The following SUGCT variants were observed in gnomAD, a reference collection of about 807,000 sequenced individuals.
The protein encoded by SUGCT is succinyl-CoA:glutarate-CoA transferase, also known as succinyl-CoA:glutarate CoA-transferase.
In SUGCT, 41 loss-of-function variants were observed where a neutral mutation model predicts 55.0. That is an observed-to-expected ratio of 0.74 (90% CI 0.58 to 0.97). The LOEUF (loss-of-function observed/expected upper bound fraction) is 0.97, where lower values mean the gene tolerates loss of function less well. Ranked by LOEUF, SUGCT falls within the 50% of genes least tolerant of loss-of-function variation. The pLI, the probability that SUGCT is intolerant of heterozygous loss-of-function variation, is 0.00. For synonymous variants in SUGCT, 187 were observed against 200.4 expected (o/e 0.93, Z 0.56); for missense variants, 568 against 547.8 (o/e 1.04, Z -0.37).
At chr7:40,880,873 TG>T in the SUGCT span, among the ~76,000 whole-genome samples, 2 of 152,152 alleles carry the variant, frequency 1.3e-5, no homozygotes, top group South Asian at 2.1e-4. Context: ...GATTGGATAT[TG>T]ATGGAACCAG....
intron 12 of SUGCT, among the ~76,000 whole-genome samples, chr7:40,615,621 G>A (rs1287554713): frequency 1.3e-5 from 2 of 152,186 alleles, no homozygotes; most frequent in African/African-American, 4.8e-5. Context: ...CTGTTCAGTG[G>A]AGAAGTTGGG....
chr7:40,703,253 G>A (rs1785246460), intron 12 of SUGCT, among the ~76,000 whole-genome samples: 1 of 152,022 alleles, frequency 6.6e-6, no homozygotes, highest in Non-Finnish European at 1.5e-5. Flanking sequence ...TAGTAAAGAT[G>A]GGGTTTCTCC....
chr7:40,801,645 A>G (rs915172945), intron 13 of SUGCT, among the ~76,000 whole-genome samples: 1 of 152,168 alleles, frequency 6.6e-6, no homozygotes, highest in Non-Finnish European at 1.5e-5. Context: ...TTCTTCTGGG[A>G]GGTACAGCAG....
At chr7:40,898,410 CATCT>C in the SUGCT span, among the ~76,000 whole-genome samples, 104 of 139,762 alleles carry the variant, frequency 7.4e-4, no homozygotes, top group Non-Finnish European at 1.5e-3. Context: ...CCGGACACAT[CATCT>C]TTAAGAACTG....
At chr7:40,439,061 G>GGTATATATATATGTGTGT (rs5883731) in intron 9 of SUGCT, among the ~76,000 whole-genome samples, 14 of 51,870 alleles carry the variant, frequency 2.7e-4, no homozygotes, top group African/African-American at 1.1e-3. Context: ...GTATATATAT[G>GGTATATATATATGTGTGT]GTGTATATAT....
At chr7:41,017,611 A>G in the SUGCT span, among the ~76,000 whole-genome samples, 11 of 152,042 alleles carry the variant, frequency 7.2e-5, 1 homozygote, top group African/African-American at 2.4e-4. Context: ...TCTACTGAAA[A>G]TACAAAAAAC....
the SUGCT span, among the ~76,000 whole-genome samples, chr7:40,961,479 G>A: frequency 6.6e-6 from 1 of 152,196 alleles, no homozygotes; most frequent in Non-Finnish European, 1.5e-5. Context: ...GTTTTGCTAG[G>A]ATGGACTTCA....
At chr7:40,210,593 A>T (rs944592881) in intron 6 of SUGCT, among the ~76,000 whole-genome samples, 1 of 152,070 alleles carries the variant, frequency 6.6e-6, no homozygotes, top group African/African-American at 2.4e-5. Context: ...AAGGCAAGTT[A>T]TTTATATATA....
intron 13 of SUGCT, among the ~76,000 whole-genome samples, chr7:40,835,292 A>G (rs978026258): frequency 3.3e-5 from 5 of 152,248 alleles, no homozygotes; most frequent in African/African-American, 9.6e-5. Context: ...CTGAAAACAT[A>G]AAAGCATAAG....
At position 40,669,742 on chromosome 7, in the gene SUGCT, AC is replaced by A. The variant is rs373710020; in HGVS notation, c.1090-79689del. 1.1e-4 allele frequency among the ~76,000 whole-genome samples: 17 copies of A among 151,976 alleles called. 1 individual carries two copies. The East Asian group carries it at 3.1e-3, about 28-fold the overall frequency. On this transcript the variant is annotated intron_variant, in intron 12 of 13. Coordinates refer to ENST00000335693, the MANE Select transcript of SUGCT (RefSeq NM_001193313.2). ...ACTTGAAGATAGAACAAAATAAATC[AC>A]CCTTAATGGACGACAGATAGAAAAT...
intron 12 of SUGCT, among the ~76,000 whole-genome samples, chr7:40,697,753 C>A (rs987564081): frequency 5.9e-5 from 9 of 152,296 alleles, no homozygotes; most frequent in African/African-American, 2.2e-4. Flanking sequence ...TACTGGAGAA[C>A]AGGGACATCT....
intron 9 of SUGCT, among the ~76,000 whole-genome samples, chr7:40,392,328 A>T (rs1785482167): frequency 6.6e-6 from 1 of 152,178 alleles, no homozygotes. Flanking sequence ...TACAAATTAG[A>T]TATAGAGATG....
chr7:40,795,871 A>C (rs936299691), intron 13 of SUGCT, among the ~76,000 whole-genome samples: 1 of 152,202 alleles, frequency 6.6e-6, no homozygotes, highest in Admixed American at 6.5e-5. Context: ...AAACATTATG[A>C]AGTGAAATGG....
intron 13 of SUGCT, among the ~76,000 whole-genome samples, chr7:40,825,002 G>A (rs1792243731): frequency 6.6e-6 from 1 of 152,202 alleles, no homozygotes; most frequent in Admixed American, 6.5e-5. Flanking sequence ...GCTTCATGCA[G>A]TCTTTCAGGA....
At chr7:40,998,722 G>T in the SUGCT span, among the ~76,000 whole-genome samples, 2 of 152,148 alleles carry the variant, frequency 1.3e-5, no homozygotes, top group African/African-American at 4.8e-5. Context: ...CCAGAATTAG[G>T]AAAGGTTGCT....
chr7:40,996,765 T>C, the SUGCT span, among the ~76,000 whole-genome samples: 1 of 152,214 alleles, frequency 6.6e-6, no homozygotes, highest in African/African-American at 2.4e-5. Context: ...TAAAGTGCAT[T>C]ATGTTTCCCA....
the SUGCT span, among the ~76,000 whole-genome samples, chr7:40,950,225 A>C: frequency 1.3e-5 from 2 of 152,266 alleles, no homozygotes; most frequent in African/African-American, 4.8e-5. Flanking sequence ...GCAATCGTGA[A>C]TGGGATTTCA....
At chr7:40,338,572 T>C (rs1290855340) in intron 9 of SUGCT, among the ~76,000 whole-genome samples, 1 of 152,222 alleles carries the variant, frequency 6.6e-6, no homozygotes, top group Non-Finnish European at 1.5e-5. Flanking sequence ...CATCACCTAG[T>C]TCTCGTGCCA....
At chr7:40,960,669 G>A in the SUGCT span, among the ~76,000 whole-genome samples, 9 of 152,088 alleles carry the variant, frequency 5.9e-5, no homozygotes, top group Non-Finnish European at 1.0e-4. Flanking sequence ...GAGACATTTG[G>A]GTAACTTTTT....
Sources: gnomAD v4.1 joint callset for allele counts (sites outside exome capture counted in the v4.1 genomes callset) on GRCh38, gnomAD v4.1.1 for gene constraint, MANE v1.5 for transcripts, NCBI Gene and HGNC (gene_info 2026-07-23, HGNC 2026-07-21) for gene names.